Variants in CWF19L2 observed in about 807,000 individuals in gnomAD.
The protein encoded by CWF19L2 is CWF19 like cell cycle control factor 2.
In CWF19L2, 98 loss-of-function variants were observed where a neutral mutation model predicts 111.7. The ratio of observed to expected loss-of-function variants is 0.88; its 90% confidence interval spans 0.75 to 1.04. The LOEUF (loss-of-function observed/expected upper bound fraction) is 1.04. Ranked by LOEUF, CWF19L2 falls within the 50% of genes least tolerant of loss-of-function variation. CWF19L2 has a pLI of 0.00. For missense variants in CWF19L2, 1,101 were observed against 1,051.4 expected (o/e 1.05, Z -0.65); for synonymous variants, 351 against 342.9 (o/e 1.02, Z -0.26).
chr11:107,391,704 A>C (rs1860849902), intron 11 of CWF19L2, among the ~76,000 whole-genome samples: 1 of 152,108 alleles, frequency 6.6e-6, no homozygotes, highest in Non-Finnish European at 1.5e-5. Flanking sequence ...TCCAAATAAA[A>C]CCTTGTCTTT....
chr11:107,394,305 G>C (rs962555175), intron 10 of CWF19L2, among the ~76,000 whole-genome samples: 2 of 152,092 alleles, frequency 1.3e-5, no homozygotes, highest in Non-Finnish European at 2.9e-5. Flanking sequence ...CATTAATGAA[G>C]TGCCATCTTT....
intron 9 of CWF19L2, among the ~76,000 whole-genome samples, chr11:107,417,703 G>A (rs1861246506): frequency 6.6e-6 from 1 of 151,368 alleles, no homozygotes; most frequent in South Asian, 2.1e-4. Context: ...ATCTGACAGA[G>A]AAAGTAGATC....
At chr11:107,456,019 A>G (rs1217995978) in intron 1 of CWF19L2, among the ~76,000 whole-genome samples, 1 of 152,232 alleles carries the variant, frequency 6.6e-6, no homozygotes, top group Non-Finnish European at 1.5e-5. Context: ...TACCAATCAG[A>G]GAGAATCCAG....
Position 107,392,814 on chromosome 11 carries a change from G to C in CWF19L2, c.1699C>G (p.Leu567Val). Residue 567 changes from leucine (L) to valine (V), a missense_variant, in exon 11 of 18, where the codon CTG (leucine) becomes GTG (valine). Transcript: ENST00000282251. ...TTTCTTCTTCCTCCTTGTGATTCCA[G>C]AGATTTTCCGGGTGTGTTCACAGGC... ...VWPVNTPGKSLESQGGRRKRQ... is the reference protein window; with the variant it reads ...VWPVNTPGKSVESQGGRRKRQ... 1 of 1,595,494 alleles carries C rather than the reference G, an allele frequency of 6.3e-7. No individual in the cohort carries two copies. Among genetic ancestry groups the C allele is most frequent in the Non-Finnish European group, 8.5e-7 (1 of 1,173,026 alleles).
chr11:107,429,821 A>C (rs1350921240), intron 7 of CWF19L2, among the ~76,000 whole-genome samples: 1 of 151,452 alleles, frequency 6.6e-6, no homozygotes, highest in Non-Finnish European at 1.5e-5. Context: ...AAAAAAAAAA[A>C]AACAGAATAG....
intron 10 of CWF19L2, among the ~76,000 whole-genome samples, chr11:107,398,597 C>T (rs990469169): frequency 1.3e-5 from 2 of 152,128 alleles, no homozygotes; most frequent in East Asian, 1.9e-4. Flanking sequence ...TCTAAAAGCC[C>T]GGAAAACATA....
intron 10 of CWF19L2, among the ~76,000 whole-genome samples, chr11:107,398,623 A>G (rs970462859): frequency 6.6e-6 from 1 of 152,236 alleles, no homozygotes; most frequent in Non-Finnish European, 1.5e-5. Context: ...TGGAATAATC[A>G]AGGAAAACTT....
intron 2 of CWF19L2, among the ~76,000 whole-genome samples, chr11:107,455,449 T>C (rs773871592): frequency 3.3e-5 from 5 of 152,222 alleles, no homozygotes; most frequent in Non-Finnish European, 7.3e-5. Flanking sequence ...TGTCTTCTAC[T>C]AGCCAAACTC....
At chr11:107,418,329 G>T in intron 8 of CWF19L2, 42 bp from the exon 9 acceptor site, 1 of 1,251,858 alleles carries the variant, frequency 8.0e-7, no homozygotes, top group Non-Finnish European at 1.2e-6. Flanking sequence ...AAATATAGGT[G>T]CGATGCAAGC....
chr11:107,378,024 C>T (rs1860619964), intron 12 of CWF19L2, among the ~76,000 whole-genome samples: 2 of 151,768 alleles, frequency 1.3e-5, no homozygotes, highest in South Asian at 4.2e-4. Context: ...AAATGCTCAC[C>T]ATCACTGGCC....
intron 16 of CWF19L2, among the ~76,000 whole-genome samples, chr11:107,334,237 A>G (rs982329511): frequency 1.3e-5 from 2 of 152,184 alleles, no homozygotes; most frequent in African/African-American, 2.4e-5. Context: ...AACGAACCAC[A>G]CTTCTATTAA....
intron 12 of CWF19L2, among the ~76,000 whole-genome samples, chr11:107,355,411 G>A (rs528348015): frequency 1.7e-3 from 110 of 65,482 alleles, no homozygotes; most frequent in African/African-American, 0.01. Context: ...GCGAAACTCC[G>A]TCTCAAAAAA....
intron 12 of CWF19L2, among the ~76,000 whole-genome samples, chr11:107,379,883 C>A (rs940166111): frequency 6.6e-6 from 1 of 151,530 alleles, no homozygotes; most frequent in Non-Finnish European, 1.5e-5. Context: ...CACAGTGAAA[C>A]CCCATCTCTA....
intron 7 of CWF19L2, among the ~76,000 whole-genome samples, chr11:107,431,231 T>C (rs566587074): frequency 5.9e-5 from 9 of 151,950 alleles, no homozygotes; most frequent in Admixed American, 5.2e-4. Context: ...ACAAAATAAT[T>C]ATTTGCATAT....
intron 11 of CWF19L2, among the ~76,000 whole-genome samples, chr11:107,390,864 T>C (rs1343778814): frequency 6.6e-6 from 1 of 152,130 alleles, no homozygotes; most frequent in African/African-American, 2.4e-5. Context: ...GTTAGTGGAC[T>C]GGGAAAGGCA....
At chr11:107,373,891 A>T (rs1319713773) in intron 12 of CWF19L2, among the ~76,000 whole-genome samples, 1 of 134,456 alleles carries the variant, frequency 7.4e-6, no homozygotes, top group Non-Finnish European at 1.6e-5. Flanking sequence ...AGCAGAATGT[A>T]TAACTAGAAC....
intron 12 of CWF19L2, among the ~76,000 whole-genome samples, chr11:107,378,552 G>T (rs555334438): frequency 2.8e-3 from 429 of 152,302 alleles, no homozygotes; most frequent in African/African-American, 9.0e-3. Context: ...TCACGCATAG[G>T]TGGGAATTGA....
chr11:107,442,194 G>A (rs1008523843), intron 4 of CWF19L2, among the ~76,000 whole-genome samples: 6 of 152,138 alleles, frequency 3.9e-5, no homozygotes, highest in Non-Finnish European at 8.8e-5. Context: ...TCTAAGGAAC[G>A]AGAATAGAGA....
intron 10 of CWF19L2, among the ~76,000 whole-genome samples, chr11:107,406,517 T>C (rs1861080232): frequency 6.6e-6 from 1 of 152,256 alleles, no homozygotes; most frequent in African/African-American, 2.4e-5. Context: ...AAGGCTACTA[T>C]TTAATTTGTA....
Sources: allele counts gnomAD v4.1 joint callset (sites outside exome capture counted in the v4.1 genomes callset), GRCh38; gene constraint gnomAD v4.1.1; transcripts MANE v1.5; gene names NCBI Gene and HGNC (gene_info 2026-07-23, HGNC 2026-07-21).